ADAM19: variants seen among roughly 807,000 people sequenced by gnomAD.
ADAM19 encodes ADAM metallopeptidase domain 19, also known as disintegrin and metalloproteinase domain-containing protein 19.
Under a neutral mutation model 114.7 loss-of-function variants are expected in ADAM19, and 65 were observed. That is an observed-to-expected ratio of 0.57 (90% CI 0.46 to 0.70). The LOEUF is 0.70. Among genes scored for constraint, ADAM19 ranks in the 30% least tolerant of loss-of-function variants. The pLI is 0.00. For missense variants in ADAM19, 1,063 were observed against 1,204.7 expected (o/e 0.88, Z 1.74); for synonymous variants, 466 against 460.5 (o/e 1.01, Z -0.15).
chr5:157,489,814 C>T (rs867622772), intron 19 of ADAM19, among the ~76,000 whole-genome samples: 12 of 152,218 alleles, frequency 7.9e-5, no homozygotes, highest in Middle Eastern at 3.4e-3. Flanking sequence ...GGTGAAACCC[C>T]GTCTCTACTA....
In ADAM19 at chr5:157,559,822, G is replaced by C. The variant is rs1757463335; in HGVS notation, c.251+4551C>G. On this transcript the variant is annotated intron_variant, in intron 3 of 22. Transcript: ENST00000257527. ...TGAACCTGCGGGTTCTGACCTAGAA[G>C]TTCGTCCCCAACTTCAAGGTCCCGT... is the stretch of plus-strand genomic sequence containing the variant. Among the ~76,000 whole-genome samples, 3 of 152,136 alleles carry C rather than the reference G, an allele frequency of 2.0e-5. No individual in the cohort carries two copies. In the South Asian group the frequency reaches 6.2e-4, roughly 31 times the overall value.
At chr5:157,485,463 T>C (rs114557637) in intron 21 of ADAM19, among the ~76,000 whole-genome samples, 1 of 152,306 alleles carries the variant, frequency 6.6e-6, no homozygotes, top group African/African-American at 2.4e-5. Context: ...TACACCTCTC[T>C]CCTGCCTAAA....
chr5:157,483,021 G>A (rs1434106651), intron 21 of ADAM19, among the ~76,000 whole-genome samples: 3 of 152,128 alleles, frequency 2.0e-5, no homozygotes, highest in African/African-American at 7.2e-5. Context: ...GAGAACACAT[G>A]GACACAGGGA....
intron 3 of ADAM19, among the ~76,000 whole-genome samples, chr5:157,559,023 G>A (rs1226195642): frequency 6.6e-6 from 1 of 152,140 alleles, no homozygotes; most frequent in African/African-American, 2.4e-5. Flanking sequence ...ATCACTGAAG[G>A]ACTGATAAGA....
Position 157,488,364 on chromosome 5 carries a change from G to A in ADAM19, c.2451C>T (p.Asn817=), listed in dbSNP as rs747488805. ...LPAHLSRAAR[N]SPGPGSQIER... is the part of the protein sequence containing the mutation. ...CTATTTGAGACCCGGGCCCTGGGGAGTTCCTAGCAGCCCTGCTCAGGTGAG... is the reference window on the plus strand; with the variant it reads ...CTATTTGAGACCCGGGCCCTGGGGAATTCCTAGCAGCCCTGCTCAGGTGAG... The change falls in exon 21 of 23, where the codon AAC becomes AAT. Residue 817 remains asparagine (N), a synonymous_variant. Coordinates refer to ENST00000257527, the MANE Select transcript of ADAM19 (RefSeq NM_033274.5). 1 of 1,614,192 alleles carries A rather than the reference G, an allele frequency of 6.2e-7. No individual in the cohort carries two copies. Among genetic ancestry groups the A allele is most frequent in the East Asian group, 2.2e-5 (1 of 44,882 alleles).
At position 157,481,946 on chromosome 5, in the gene ADAM19, G is replaced by C. The variant is rs749604440; in HGVS notation, c.2551-3C>G. ...GGCGGCCGAGGCCTGGAGAAGTCCT[G>C]GAGAGAAAGCAATAAGCCTCACTTG... On this transcript the variant is annotated splice_region_variant and splice_polypyrimidine_tract_variant and intron_variant, in intron 21 of 22. Transcript: ENST00000257527. 1 of 1,586,662 alleles carries C rather than the reference G, an allele frequency of 6.3e-7. No homozygotes were observed.
rs1015524428 is a variant in ADAM19, at chr5:157,575,737, A to G, written c.-41T>C. The G allele has an allele frequency of 1.4e-5, 18 of 1,260,998 alleles. No individual in the cohort carries two copies. The African/African-American group carries it at 2.6e-4, about 19-fold the overall frequency. 78.1% of individuals were successfully genotyped at this position (1,260,998 alleles called of 1,614,324 possible). On this transcript the variant is annotated 5_prime_UTR_variant, in exon 1 of 23. Transcript: ENST00000257527. Reference sequence around the variant, plus strand: ...TAGCGCTCGGCGCTCACACGCCCTCAGCCATACCTGCCCACTGCCCGGCGG... The same window carrying G: ...TAGCGCTCGGCGCTCACACGCCCTCGGCCATACCTGCCCACTGCCCGGCGG...
Position 157,530,678 on chromosome 5 carries a change from T to C in ADAM19, c.407+129A>G. The C allele has an allele frequency of 4.2e-6, 3 of 715,442 alleles. No homozygotes were observed. The South Asian group carries it at 5.2e-5, about 12-fold the overall frequency. The allele number at this position is 715,442 out of a possible 1,614,324, so 44.3% of individuals were successfully genotyped here. Reference sequence around the variant, plus strand: ...TGCCCATCCTCCCAGGCTCAGCCCCTCTCTGGGCTGGCTTGCACACATTCT... The same window carrying C: ...TGCCCATCCTCCCAGGCTCAGCCCCCCTCTGGGCTGGCTTGCACACATTCT... On this transcript the variant is annotated intron_variant, in intron 5 of 22. Coordinates refer to ENST00000257527, the MANE Select transcript of ADAM19 (RefSeq NM_033274.5).
At chr5:157,573,002 C>G (rs1334747470) in intron 1 of ADAM19, among the ~76,000 whole-genome samples, 2 of 152,082 alleles carry the variant, frequency 1.3e-5, no homozygotes, top group Admixed American at 6.6e-5. Context: ...CCAGTGCACT[C>G]CAGCCTGAGT....
chr5:157,489,064 A>C, intron 20 of ADAM19, 38 bp downstream of exon 20: 1 of 1,553,974 alleles, frequency 6.4e-7, no homozygotes, highest in African/African-American at 1.4e-5. Flanking sequence ...TGAGGGATAA[A>C]GGAAAAGTAG....
At chr5:157,484,349 G>T (rs1754859570) in intron 21 of ADAM19, among the ~76,000 whole-genome samples, 1 of 152,128 alleles carries the variant, frequency 6.6e-6, no homozygotes, top group African/African-American at 2.4e-5. Flanking sequence ...TACATCTTTG[G>T]CTTCCAGAAC....
chr5:157,480,385 T>G lies in ADAM19; in HGVS notation c.*564A>C, dbSNP rs1754708957. ...GTGGGAGGGGACGTGGCTTGTCACA[T>G]GCAGCCATACAGCCAGAAGCCGTTC... is the stretch of plus-strand genomic sequence containing the variant. On this transcript the variant is annotated 3_prime_UTR_variant, in exon 23 of 23. Transcript: ENST00000257527. 1.0e-6 allele frequency: 1 copy of G among 987,962 alleles called. No homozygotes were observed. The highest frequency in any genetic ancestry group is 6.0e-5 in the Admixed American group (1 of 16,660). The allele number at this position is 987,962 out of a possible 1,614,324, so 61.2% of individuals were successfully genotyped here.
chr5:157,563,515 T>C (rs892197270), intron 3 of ADAM19, among the ~76,000 whole-genome samples: 5 of 152,192 alleles, frequency 3.3e-5, no homozygotes, highest in Non-Finnish European at 7.3e-5. Flanking sequence ...TGATTACTCA[T>C]TGGCTTCCAG....
chr5:157,488,167 G>T, intron 21 of ADAM19, 98 bp downstream of exon 21: 1 of 1,260,660 alleles, frequency 7.9e-7, no homozygotes, highest in Non-Finnish European at 1.1e-6. Context: ...GTCAGCTCAT[G>T]ACCCCACAAG....
At chr5:157,507,602 G>A (rs911345344) in intron 9 of ADAM19, among the ~76,000 whole-genome samples, 1 of 152,198 alleles carries the variant, frequency 6.6e-6, no homozygotes, top group East Asian at 1.9e-4. Flanking sequence ...CAGGGTAGGG[G>A]TGGGGGCATC....
chr5:157,541,790 A>G (rs1189476662), intron 3 of ADAM19, among the ~76,000 whole-genome samples: 1 of 152,216 alleles, frequency 6.6e-6, no homozygotes, highest in African/African-American at 2.4e-5. Context: ...TCTAGGCTAA[A>G]CCACCCTCTA....
chr5:157,564,721 A>T (rs1358234748), intron 2 of ADAM19, among the ~76,000 whole-genome samples: 2 of 152,220 alleles, frequency 1.3e-5, no homozygotes, highest in African/African-American at 4.8e-5. Flanking sequence ...ACACTGGAAA[A>T]CACAATCTCC....
intron 5 of ADAM19, among the ~76,000 whole-genome samples, chr5:157,522,563 A>C (rs995058332): frequency 2.0e-5 from 3 of 152,176 alleles, no homozygotes; most frequent in Non-Finnish European, 4.4e-5. Flanking sequence ...AGGCGGGTGG[A>C]TTTCCTGAGC....
At chr5:157,566,675 T>C (rs960193806) in intron 2 of ADAM19, 4 of 152,196 alleles carry the variant, frequency 2.6e-5, no homozygotes, top group African/African-American at 9.7e-5. Context: ...GCTCTCTATT[T>C]TGGGACTAAG....
Sources: allele counts gnomAD v4.1 joint callset (sites outside exome capture counted in the v4.1 genomes callset), GRCh38; gene constraint gnomAD v4.1.1; transcripts MANE v1.5; gene names NCBI Gene and HGNC (gene_info 2026-07-23, HGNC 2026-07-21).